The following KRTAP1-1 variants were observed in gnomAD, a reference collection of about 807,000 sequenced individuals.
KRTAP1-1 encodes the protein keratin-associated protein 1-1.
Under a neutral mutation model 14.1 loss-of-function variants are expected in KRTAP1-1, and 9 were observed. The ratio of observed to expected loss-of-function variants is 0.64; its 90% confidence interval spans 0.39 to 1.12. The LOEUF (loss-of-function observed/expected upper bound fraction) is 1.12. Among genes scored for constraint, KRTAP1-1 ranks in the 50% most tolerant of loss-of-function variants. The pLI, the probability that KRTAP1-1 is intolerant of heterozygous loss-of-function variation, is 0.01. For synonymous variants in KRTAP1-1, 77 were observed against 80.5 expected, an observed-to-expected ratio of 0.96 and a Z score of 0.23; for missense variants, 179 against 230.9, an observed-to-expected ratio of 0.78 and a Z score of 1.46.
chr17:41,041,390 C>T lies in KRTAP1-1; in HGVS notation c.8G>A (p.Cys3Tyr). The change falls in exon 1 of 1, where the codon TGC becomes TAC. Residue 3 changes from cysteine to tyrosine, a missense_variant. Physicochemically the swap from Cys to Tyr is radical, Grantham distance 194. Coordinates refer to ENST00000306271, the MANE Select transcript of KRTAP1-1 (RefSeq NM_030967.3). The stretch of plus-strand genomic sequence containing the variant: ...AAATCCACAGAAGCTGGTCTGACAG[C>T]AGGCCATGGTGTCAGGAGTTGATCT... Reference protein sequence around the residue: MACCQTSFCGFPS... With the variant: MAYCQTSFCGFPS... 6.2e-7 allele frequency: 1 copy of T among 1,613,174 alleles called. No homozygotes were observed.
rs1311158638 is a variant in KRTAP1-1 at position 41,040,818 on chromosome 17, A to G, written c.*46T>C. The G allele has an allele frequency of 6.6e-7, 1 of 1,516,058 alleles. No homozygotes were observed. The highest frequency in any genetic ancestry group is 2.3e-5 in the East Asian group (1 of 43,914). The allele number at this position is 1,516,058 out of a possible 1,614,324, so 93.9% of individuals were successfully genotyped here. A position where few individuals can be genotyped will look rare whatever the true frequency, so the allele number is the denominator to read the frequency against. ...AGATTGTTAGGATTCTAATTTGGCT[A>G]GTTTTAAGGTGCCATCTTATCAGGA... On this transcript the variant is annotated 3_prime_UTR_variant, in exon 1 of 1. Coordinates refer to ENST00000306271, the MANE Select transcript of KRTAP1-1 (RefSeq NM_030967.3).
chr17:41,041,253 A>C lies in KRTAP1-1; in HGVS notation c.145T>G (p.Cys49Gly). Residue 49 changes from cysteine (C) to glycine (G), a missense_variant, in exon 1 of 1, where the codon TGC (cysteine) becomes GGC (glycine). Coordinates refer to ENST00000306271, the MANE Select transcript of KRTAP1-1 (RefSeq NM_030967.3). ...AATCCACAGAAGCTGGTCTGGCAGCAGCTTGGCTGGCAGCAGCTGGTCTCA... is the reference window on the plus strand; with the variant it reads ...AATCCACAGAAGCTGGTCTGGCAGCCGCTTGGCTGGCAGCAGCTGGTCTCA... ...CCETSCCQPS[C>G]CQTSFCGFPS... 1 of 1,508,692 alleles carries C rather than the reference A, an allele frequency of 6.6e-7. No homozygotes were observed. Among genetic ancestry groups the C allele is most frequent in the Non-Finnish European group, 8.8e-7 (1 of 1,142,186 alleles). The allele number at this position is 1,508,692 out of a possible 1,614,324, so 93.5% of individuals were successfully genotyped here.
chr17:41,040,712 T>C lies in KRTAP1-1; in HGVS notation c.*152A>G, dbSNP rs751293569. The C allele has an allele frequency of 1.4e-5, 14 of 990,884 alleles. No homozygotes were observed. Among genetic ancestry groups the C allele is most frequent in the Non-Finnish European group, 1.9e-5 (13 of 701,116 alleles). 61.4% of individuals were successfully genotyped at this position (990,884 alleles called of 1,614,324 possible). On this transcript the variant is annotated 3_prime_UTR_variant, in exon 1 of 1. Coordinates refer to ENST00000306271, the MANE Select transcript of KRTAP1-1 (RefSeq NM_030967.3). ...AGGAAAAATTTTTGGTCTTCCATTG[T>C]AAATGAATTTACTTCCTAGGGAATT...
Position 41,040,860 on chromosome 17 carries a change from G to T in KRTAP1-1, c.*4C>A. ...TTATCAGGATCCCCAGCAGAAGGAG[G>T]TTTTCAACAAGTGGGCTCAGAGCAG... is the stretch of plus-strand genomic sequence containing the variant. On this transcript the variant is annotated 3_prime_UTR_variant, in exon 1 of 1. Transcript: ENST00000306271. 1 of 1,558,926 alleles carries T rather than the reference G, an allele frequency of 6.4e-7. No individual in the cohort carries two copies. The highest frequency in any genetic ancestry group is 8.7e-7 in the Non-Finnish European group (1 of 1,151,018).
chr17:41,041,037 G>C lies in KRTAP1-1; in HGVS notation c.361C>G (p.Pro121Ala). ...AVSTRIRWCRPDCRVEGTCLP... is the reference protein window; with the variant it reads ...AVSTRIRWCRADCRVEGTCLP... The stretch of plus-strand genomic sequence containing the variant: ...CAGGTACCCTCCACACGGCAGTCTG[G>C]GCGGCACCACCTGATACGGGTGCTC... The change falls in exon 1 of 1, where the codon CCA (proline) becomes GCA (alanine). Residue 121 changes from proline (P) to alanine (A), a missense_variant. Pro to Ala is a conservative substitution (Grantham distance 27). Coordinates refer to ENST00000306271, the MANE Select transcript of KRTAP1-1 (RefSeq NM_030967.3). The C allele has an allele frequency of 6.2e-7, 1 of 1,613,816 alleles. No homozygotes were observed. Among genetic ancestry groups the C allele is most frequent in the Non-Finnish European group, 8.5e-7 (1 of 1,180,014 alleles).
rs2143778879 is a variant in KRTAP1-1, at chr17:41,041,100, C to T, written c.298G>A (p.Gly100Ser). The change falls in exon 1 of 1, where the codon GGC (glycine) becomes AGC (serine). Residue 100 changes from glycine to serine, a missense_variant. Physicochemically the swap from Gly to Ser is moderately conservative, Grantham distance 56. Transcript: ENST00000306271. The part of the protein sequence containing the change: ...SCGTGCGIGG[G>S]IGYGQEGSSG... Reference sequence around the variant, plus strand: ...CTGCCCTCCTGGCCATAGCCAATGCCACCACCAATGCCACAGCCAGTTCCG... The same window carrying T: ...CTGCCCTCCTGGCCATAGCCAATGCTACCACCAATGCCACAGCCAGTTCCG... The T allele has an allele frequency of 3.7e-6, 6 of 1,613,974 alleles. No individual in the cohort carries two copies. The highest frequency in any genetic ancestry group is 3.4e-4 in the Middle Eastern group (2 of 5,936).
rs921482936 is a variant in KRTAP1-1 at position 41,040,836 on chromosome 17, T to G, written c.*28A>C. On this transcript the variant is annotated 3_prime_UTR_variant, in exon 1 of 1. Coordinates refer to ENST00000306271, the MANE Select transcript of KRTAP1-1 (RefSeq NM_030967.3). ...TTTGGCTAGTTTTAAGGTGCCATCT[T>G]ATCAGGATCCCCAGCAGAAGGAGGT... 8 of 1,542,816 alleles carry G rather than the reference T, an allele frequency of 5.2e-6. No homozygotes were observed. In the African/African-American group the frequency reaches 6.8e-5, roughly 13 times the overall value.
chr17:41,040,856 G>A lies in KRTAP1-1; in HGVS notation c.*8C>T. ...CATCTTATCAGGATCCCCAGCAGAAGGAGGTTTTCAACAAGTGGGCTCAGA... is the reference window on the plus strand; with the variant it reads ...CATCTTATCAGGATCCCCAGCAGAAAGAGGTTTTCAACAAGTGGGCTCAGA... On this transcript the variant is annotated 3_prime_UTR_variant, in exon 1 of 1. Coordinates refer to ENST00000306271, the MANE Select transcript of KRTAP1-1 (RefSeq NM_030967.3). The A allele has an allele frequency of 6.4e-7, 1 of 1,555,546 alleles. No homozygotes were observed. The highest frequency in any genetic ancestry group is 8.7e-7 in the Non-Finnish European group (1 of 1,149,532).
Position 41,040,951 on chromosome 17 carries a change from G to A in KRTAP1-1, c.447C>T (p.Ala149=), listed in dbSNP as rs749071844. 24 of 1,613,416 alleles carry A rather than the reference G, an allele frequency of 1.5e-5. No homozygotes were observed. The highest frequency in any genetic ancestry group is 1.3e-4 in the East Asian group (6 of 44,872). The change falls in exon 1 of 1, where the codon GCC becomes GCT. Residue 149 remains alanine (A), a synonymous_variant. Coordinates refer to ENST00000306271, the MANE Select transcript of KRTAP1-1 (RefSeq NM_030967.3). The stretch of plus-strand genomic sequence containing the variant: ...AGGATGGGCGGCAGCAGGAGGCCTC[G>A]GCGTGGTGCAGCTGGCAGCAGGATG... The part of the protein sequence containing the change: ...TPPSCCQLHH[A]EASCCRPSYC...
Position 41,040,639 on chromosome 17 carries a change from G to A in KRTAP1-1, c.*225C>T. Reference sequence around the variant, plus strand: ...TTCAGGTGATATTTATAGTAAAATAGTATCTAACTCTTTTCACATTGTAGG... The same window carrying A: ...TTCAGGTGATATTTATAGTAAAATAATATCTAACTCTTTTCACATTGTAGG... On this transcript the variant is annotated 3_prime_UTR_variant, in exon 1 of 1. Coordinates refer to ENST00000306271, the MANE Select transcript of KRTAP1-1 (RefSeq NM_030967.3). The A allele has an allele frequency of 2.1e-6, 1 of 473,044 alleles. No individual in the cohort carries two copies. Among genetic ancestry groups the A allele is most frequent in the Non-Finnish European group, 3.7e-6 (1 of 268,854 alleles). The allele number at this position is 473,044 out of a possible 1,614,324, so 29.3% of individuals were successfully genotyped here. A position where few individuals can be genotyped will look rare whatever the true frequency, so the allele number is the denominator to read the frequency against.
chr17:41,041,049 T>C lies in KRTAP1-1; in HGVS notation c.349A>G (p.Arg117Gly). Residue 117 changes from arginine (R) to glycine (G), a missense_variant, in exon 1 of 1, where the codon AGG becomes GGG. By Grantham distance (125) the Arg-to-Gly change is moderately radical (BLOSUM62 -2). Coordinates refer to ENST00000306271, the MANE Select transcript of KRTAP1-1 (RefSeq NM_030967.3). ...GSSGAVSTRIRWCRPDCRVEG... is the reference protein window; with the variant it reads ...GSSGAVSTRIGWCRPDCRVEG... ...ACACGGCAGTCTGGGCGGCACCACC[T>C]GATACGGGTGCTCACAGCTCCACTG... 1 of 1,613,766 alleles carries C rather than the reference T, an allele frequency of 6.2e-7. No homozygotes were observed. The highest frequency in any genetic ancestry group is 8.5e-7 in the Non-Finnish European group (1 of 1,180,016).
Position 41,041,315 on chromosome 17 carries a change from C to G in KRTAP1-1, c.83G>C (p.Ser28Thr). The change falls in exon 1 of 1, where the codon AGC becomes ACC. Residue 28 changes from serine to threonine, a missense_variant. Physicochemically the swap from Ser to Thr is moderately conservative, Grantham distance 58. Coordinates refer to ENST00000306271, the MANE Select transcript of KRTAP1-1 (RefSeq NM_030967.3). ...GTCGSSCCQP[S>T]CCETSSCQPR... ...CTGGCAGGAGCTGGTCTCACAGCAG[C>G]TTGGCTGGCAGCAGCTGGAGCCGCA... 1.3e-6 allele frequency: 2 copies of G among 1,536,608 alleles called. No individual in the cohort carries two copies. The highest frequency in any genetic ancestry group is 1.7e-6 in the Non-Finnish European group (2 of 1,151,350).
rs2012689838 is a variant in KRTAP1-1 at position 41,040,710 on chromosome 17, T to G, written c.*154A>C. On this transcript the variant is annotated 3_prime_UTR_variant, in exon 1 of 1. Coordinates refer to ENST00000306271, the MANE Select transcript of KRTAP1-1 (RefSeq NM_030967.3). ...CTAGGAAAAATTTTTGGTCTTCCAT[T>G]GTAAATGAATTTACTTCCTAGGGAA... The G allele has an allele frequency of 8.2e-6, 8 of 980,188 alleles. No homozygotes were observed. In the Admixed American group the frequency reaches 1.6e-4, roughly 20 times the overall value. The allele number at this position is 980,188 out of a possible 1,614,324, so 60.7% of individuals were successfully genotyped here. A position where few individuals can be genotyped will look rare whatever the true frequency, so the allele number is the denominator to read the frequency against.
In KRTAP1-1 at chr17:41,040,963, C is replaced by T; in HGVS notation, c.435G>A (p.Gln145=). The T allele has an allele frequency of 1.2e-6, 2 of 1,613,776 alleles. No homozygotes were observed. The highest frequency in any genetic ancestry group is 1.3e-5 in the African/African-American group (1 of 75,056). The part of the protein sequence containing the change: ...VVSCTPPSCC[Q]LHHAEASCCR... ...AGCAGGAGGCCTCGGCGTGGTGCAG[C>T]TGGCAGCAGGATGGGGGTGTGCAGC... Residue 145 remains glutamine, a synonymous_variant, in exon 1 of 1, where the codon CAG becomes CAA. Coordinates refer to ENST00000306271, the MANE Select transcript of KRTAP1-1 (RefSeq NM_030967.3).
Position 41,040,689 on chromosome 17 carries a change from GA to G in KRTAP1-1, c.*174del, listed in dbSNP as rs2012689379. On this transcript the variant is annotated 3_prime_UTR_variant, in exon 1 of 1. Transcript: ENST00000306271. ...GACTTTGGCTGACAACCAGGTCTAG[GA>G]AAAATTTTTGGTCTTCCATTGTAAA... 16 of 707,768 alleles carry G rather than the reference GA, an allele frequency of 2.3e-5. No individual in the cohort carries two copies. In the East Asian group the frequency reaches 4.5e-4, roughly 20 times the overall value. 43.8% of individuals were successfully genotyped at this position (707,768 alleles called of 1,614,324 possible). A position where few individuals can be genotyped will look rare whatever the true frequency, so the allele number is the denominator to read the frequency against.
Position 41,041,034 on chromosome 17 carries a change from C to T in KRTAP1-1, c.364G>A (p.Asp122Asn), listed in dbSNP as rs745926339. The T allele has an allele frequency of 1.2e-6, 2 of 1,613,706 alleles. No homozygotes were observed. Among genetic ancestry groups the T allele is most frequent in the African/African-American group, 2.7e-5 (2 of 74,930 alleles). ...AGGCAGGTACCCTCCACACGGCAGT[C>T]TGGGCGGCACCACCTGATACGGGTG... ...VSTRIRWCRP[D>N]CRVEGTCLPP... The change falls in exon 1 of 1, where the codon GAC (aspartate) becomes AAC (asparagine). Residue 122 changes from aspartate (D) to asparagine (N), a missense_variant. Transcript: ENST00000306271.
In KRTAP1-1 at chr17:41,040,772, T is replaced by G; in HGVS notation, c.*92A>C. The G allele has an allele frequency of 7.5e-7, 1 of 1,326,660 alleles. No homozygotes were observed. The highest frequency in any genetic ancestry group is 1.0e-6 in the Non-Finnish European group (1 of 975,074). The allele number at this position is 1,326,660 out of a possible 1,614,324, so 82.2% of individuals were successfully genotyped here. A position where few individuals can be genotyped will look rare whatever the true frequency, so the allele number is the denominator to read the frequency against. On this transcript the variant is annotated 3_prime_UTR_variant, in exon 1 of 1. Coordinates refer to ENST00000306271, the MANE Select transcript of KRTAP1-1 (RefSeq NM_030967.3). ...GTGTGATGAGAGGTTGCAAGCCCAG[T>G]TATAGGTACTGGAGTTCAGAAGATT...
Position 41,040,730 on chromosome 17 carries a change from A to G in KRTAP1-1, c.*134T>C. 4 of 1,078,176 alleles carry G rather than the reference A, an allele frequency of 3.7e-6. No individual in the cohort carries two copies. The highest frequency in any genetic ancestry group is 3.9e-6 in the Non-Finnish European group (3 of 776,996). The allele number at this position is 1,078,176 out of a possible 1,614,324, so 66.8% of individuals were successfully genotyped here. On this transcript the variant is annotated 3_prime_UTR_variant, in exon 1 of 1. Transcript: ENST00000306271. Reference sequence around the variant, plus strand: ...TCCATTGTAAATGAATTTACTTCCTAGGGAATTTATGTGGCTGTGTGATGA... The same window carrying G: ...TCCATTGTAAATGAATTTACTTCCTGGGGAATTTATGTGGCTGTGTGATGA...
chr17:41,041,398 G>C lies in KRTAP1-1; in HGVS notation c.-1C>G. 6.2e-7 allele frequency: 1 copy of C among 1,613,546 alleles called. No homozygotes were observed. The highest frequency in any genetic ancestry group is 8.5e-7 in the Non-Finnish European group (1 of 1,179,656). ...AGAAGCTGGTCTGACAGCAGGCCAT[G>C]GTGTCAGGAGTTGATCTGAAGGTTG... On this transcript the variant is annotated 5_prime_UTR_variant, in exon 1 of 1. Transcript: ENST00000306271.
Sources: gnomAD v4.1 joint callset for allele counts on GRCh38, gnomAD v4.1.1 for gene constraint, MANE v1.5 for transcripts, NCBI Gene and HGNC (gene_info 2026-07-23, HGNC 2026-07-21) for gene names.